The following MACF1 variants were observed in gnomAD, a reference collection of about 807,000 sequenced individuals.
The protein encoded by MACF1 is microtubule-actin cross-linking factor 1.
A neutral mutation model predicts 854.8 loss-of-function variants in MACF1; 193 were observed. That is an observed-to-expected ratio of 0.23 (90% CI 0.20 to 0.25). The LOEUF (loss-of-function observed/expected upper bound fraction) is 0.25. Among genes scored for constraint, MACF1 ranks in the 10% least tolerant of loss-of-function variants. The pLI is 1.00. For synonymous variants in MACF1, 3,185 were observed against 3,226.7 expected (o/e 0.99, Z 0.44); for missense variants, 7,722 against 8,929.1 (o/e 0.86, Z 5.45).
intron 2 of MACF1, among the ~76,000 whole-genome samples, chr1:39,233,522 A>C (rs1037564496): frequency 6.6e-6 from 1 of 152,146 alleles, no homozygotes; most frequent in Non-Finnish European, 1.5e-5. Context: ...TGATGGGCTT[A>C]GGTCTTCTTT....
chr1:39,231,571 G>C (rs1448285331), intron 2 of MACF1, among the ~76,000 whole-genome samples: 1 of 152,060 alleles, frequency 6.6e-6, no homozygotes, highest in Non-Finnish European at 1.5e-5. Flanking sequence ...TCTGCTTCTT[G>C]GTGAAGACAT....
chr1:39,294,682 A>G (rs1389032722), intron 18 of MACF1, among the ~76,000 whole-genome samples: 1 of 152,222 alleles, frequency 6.6e-6, no homozygotes, highest in Non-Finnish European at 1.5e-5. Context: ...TGAATAGTCT[A>G]AGCAAAGCCA....
In MACF1 at chr1:39,334,467, GT is replaced by G; in HGVS notation, c.7880del (p.Val2627AlafsTer6). 6.2e-7 allele frequency: 1 copy of G among 1,614,074 alleles called. No homozygotes were observed. Among genetic ancestry groups the G allele is most frequent in the Non-Finnish European group, 8.5e-7 (1 of 1,179,978 alleles). On this transcript the variant is annotated frameshift_variant, in exon 37 of 101. Transcript: ENST00000564288. LOFTEE classifies it high-confidence loss of function. ...GIVDPENCRIVPYSELVKKCK... is the reference protein window; with the variant it reads ...GIVDPENCRIXPYSELVKKCK... ...TGTAGATCCCGAGAACTGCAGAATT[GT>G]CCCCTACTCAGAATTAGTCAAGAAA...
upstream of MACF1, among the ~76,000 whole-genome samples, chr1:39,203,565 G>A (rs565754729): frequency 3.3e-5 from 5 of 152,262 alleles, no homozygotes; most frequent in Middle Eastern, 3.4e-3. Flanking sequence ...ATCAACAAAA[G>A]GAACATTTCC....
In MACF1 at chr1:39,333,720, AC is replaced by A. The variant is rs1315949365; in HGVS notation, c.7135del (p.Gln2379ArgfsTer6). 1.2e-6 allele frequency: 2 copies of A among 1,614,188 alleles called. No individual in the cohort carries two copies. The highest frequency in any genetic ancestry group is 1.7e-5 in the Admixed American group (1 of 60,030). On this transcript the variant is annotated frameshift_variant, in exon 37 of 101. Transcript: ENST00000564288. LOFTEE classifies it high-confidence loss of function. ...TATAAGTGGTGTCTTAGACCCCCGT[AC>A]CCAGACACTGTGCTCTGTAAAGGAT... ...KAISGVLDPR[T>X]QTLCSVKDAV...
intron 49 of MACF1, among the ~76,000 whole-genome samples, chr1:39,364,207 G>T (rs918928655): frequency 6.6e-5 from 10 of 152,124 alleles, no homozygotes; most frequent in Non-Finnish European, 1.5e-4. Context: ...TTTTTTTCTG[G>T]TGTGATTGGT....
intron 70 of MACF1, chr1:39,436,380 A>G: frequency 8.2e-7 from 1 of 1,215,242 alleles, no homozygotes; most frequent in Non-Finnish European, 1.2e-6. Context: ...CCCATCTCTC[A>G]CTCACATTGT....
upstream of MACF1, among the ~76,000 whole-genome samples, chr1:39,200,307 C>T (rs1419333307): frequency 2.0e-5 from 3 of 152,166 alleles, no homozygotes; most frequent in Admixed American, 6.5e-5. Context: ...TTGCTCTTCC[C>T]TAGATAATGT....
intron 40 of MACF1, among the ~76,000 whole-genome samples, chr1:39,344,499 G>A (rs1647004667): frequency 6.6e-6 from 1 of 151,930 alleles, no homozygotes; most frequent in South Asian, 2.1e-4. Context: ...AGGGCCAAAC[G>A]GGCAACTTGA....
Position 39,486,058 on chromosome 1 carries a change from A to C in MACF1, c.*264A>C. On this transcript the variant is annotated 3_prime_UTR_variant, in exon 101 of 101. Coordinates refer to ENST00000564288, the MANE Select transcript of MACF1 (RefSeq NM_001394062.1). ...GAAAAACAAGTGAAAAGGTCAAGAT[A>C]CAAATGTGTATTAAAAAAAAAAAAG... The C allele has an allele frequency of 3.2e-6, 1 of 309,576 alleles. No homozygotes were observed. The highest frequency in any genetic ancestry group is 5.8e-6 in the Non-Finnish European group (1 of 171,934). The allele number at this position is 309,576 out of a possible 1,614,324, so 19.2% of individuals were successfully genotyped here.
intron 26 of MACF1, 54 bp from the exon 27 acceptor site, chr1:39,315,459 T>C (rs1646394342): frequency 3.8e-6 from 6 of 1,559,270 alleles, no homozygotes; most frequent in South Asian, 1.1e-5. Flanking sequence ...GACTTCTTTC[T>C]ACCTTTTTTG....
chr1:39,286,037 G>A (rs189714316), intron 14 of MACF1, among the ~76,000 whole-genome samples: 2 of 152,214 alleles, frequency 1.3e-5, no homozygotes, highest in East Asian at 3.9e-4. Context: ...ATCAAAGACA[G>A]GGTCTCACTT....
intron 46 of MACF1, 30 bp downstream of exon 46, chr1:39,358,903 G>A: frequency 6.3e-7 from 1 of 1,575,650 alleles, no homozygotes; most frequent in Non-Finnish European, 8.6e-7. Flanking sequence ...GTGTTGTGGT[G>A]TCAAGACCTT....
At chr1:39,220,371 C>G (rs998419300) in intron 1 of MACF1, among the ~76,000 whole-genome samples, 15 of 151,444 alleles carry the variant, frequency 9.9e-5, no homozygotes, top group Admixed American at 9.9e-4. Flanking sequence ...TGGGGTTTCA[C>G]CATATTGGCC....
chr1:39,366,097 T>G (rs971578792), intron 49 of MACF1, among the ~76,000 whole-genome samples: 2 of 152,174 alleles, frequency 1.3e-5, no homozygotes, highest in Non-Finnish European at 2.9e-5. Flanking sequence ...TCCTCCTCAA[T>G]TTTTTTCTTT....
At chr1:39,322,760 G>T in intron 32 of MACF1, 45 bp downstream of exon 32, 3 of 1,594,342 alleles carry the variant, frequency 1.9e-6, no homozygotes, top group Non-Finnish European at 2.6e-6. Flanking sequence ...TTCCCTTAAG[G>T]AAAGATTCAT....
chr1:39,343,747 G>A (rs1052225051), intron 40 of MACF1, among the ~76,000 whole-genome samples: 1 of 152,172 alleles, frequency 6.6e-6, no homozygotes, highest in Non-Finnish European at 1.5e-5. Context: ...CTCCTCAGGC[G>A]AAAGAATTTG....
chr1:39,113,960 C>T (rs1642479497), intron 2 of MACF1, among the ~76,000 whole-genome samples: 2 of 151,930 alleles, frequency 1.3e-5, no homozygotes, highest in South Asian at 4.1e-4. Flanking sequence ...CGCTTGAACC[C>T]AGGAGGTGGA....
chr1:39,248,626 A>G (rs1326138209), intron 2 of MACF1, among the ~76,000 whole-genome samples: 1 of 152,174 alleles, frequency 6.6e-6, no homozygotes, highest in Admixed American at 6.5e-5. Context: ...CTAAAATTCT[A>G]CTACTTCTGA....
Sources: allele counts gnomAD v4.1 joint callset (sites outside exome capture counted in the v4.1 genomes callset), GRCh38; gene constraint gnomAD v4.1.1; transcripts MANE v1.5; gene names NCBI Gene and HGNC (gene_info 2026-07-23, HGNC 2026-07-21).